The following ULK4 variants were observed in gnomAD, a reference collection of about 807,000 sequenced individuals.
ULK4 encodes unc-51 like kinase 4.
In ULK4, 133 loss-of-function variants were observed where a neutral mutation model predicts 160.6. The observed-to-expected ratio is 0.83, with a 90% CI of 0.72 to 0.96. The LOEUF (loss-of-function observed/expected upper bound fraction) is 0.96, where lower values mean the gene tolerates loss of function less well. Ranked by LOEUF, ULK4 falls within the 40% of genes least tolerant of loss-of-function variation. The probability of loss-of-function intolerance (pLI) is 0.00; values close to 1 mark genes in which losing one functional copy is unlikely to be tolerated. For synonymous variants in ULK4, 534 were observed against 539.8 expected, an observed-to-expected ratio of 0.99 and a Z score of 0.15; for missense variants, 1,580 against 1,499.5, an observed-to-expected ratio of 1.05 and a Z score of -0.89.
intron 17 of ULK4, among the ~76,000 whole-genome samples, chr3:41,842,139 CAAA>C (rs60925540): frequency 2.9e-5 from 2 of 68,782 alleles, no homozygotes; most frequent in Non-Finnish European, 6.4e-5. Flanking sequence ...TCAATAAATA[CAAA>C]AAAAAAAAAA....
rs1351821651 is a variant in ULK4, at chr3:41,559,227, T to A, written c.3226+6798A>T. On this transcript the variant is annotated intron_variant, in intron 32 of 36. Coordinates refer to ENST00000301831, the MANE Select transcript of ULK4 (RefSeq NM_017886.4). Reference sequence around the variant, plus strand: ...GAACTCATCCTTTTTTATGGCTGCATAGTATTCCATGGTGTATATGTGCCA... The same window carrying A: ...GAACTCATCCTTTTTTATGGCTGCAAAGTATTCCATGGTGTATATGTGCCA... Among the ~76,000 whole-genome samples, 3 of 138,730 alleles carry A rather than the reference T, an allele frequency of 2.2e-5. 1 individual carries two copies. The highest frequency in any genetic ancestry group is 4.8e-5 in the Non-Finnish European group (3 of 62,086). The allele number at this position is 138,730 out of a possible 152,430, so 91.0% of individuals were successfully genotyped here.
rs180891216 is a variant in ULK4 at position 41,824,668 on chromosome 3, A to C, written c.1765-5162T>G. Among the ~76,000 whole-genome samples the C allele has an allele frequency of 1.2e-3, 183 of 152,300 alleles. 2 individuals are homozygous for C. In the East Asian group the frequency reaches 0.03, roughly 25 times the overall value. ...TGAGTAGGTAAACAAAGCAGCCAGG[A>C]AGCTCGAACTGGGTGGAGCCCACCG... On this transcript the variant is annotated intron_variant, in intron 18 of 36. Coordinates refer to ENST00000301831, the MANE Select transcript of ULK4 (RefSeq NM_017886.4).
chr3:41,757,436 A>T (rs180784429), intron 21 of ULK4, among the ~76,000 whole-genome samples: 175 of 151,862 alleles, frequency 1.2e-3, no homozygotes, highest in South Asian at 3.7e-3. Flanking sequence ...ATCAAGACCA[A>T]CCTGGCTAAC....
Position 41,835,793 on chromosome 3 carries a change from A to G in ULK4, c.1764+71T>C, listed in dbSNP as rs1019191547. On this transcript the variant is annotated intron_variant, in intron 18 of 36. Coordinates refer to ENST00000301831, the MANE Select transcript of ULK4 (RefSeq NM_017886.4). ...CGCAAAATCAAAAAACTTTTATAGG[A>G]TATTAATACTTGTCAGCCAGAGTAT... 41 of 1,198,610 alleles carry G rather than the reference A, an allele frequency of 3.4e-5. No homozygotes were observed. In the Middle Eastern group the frequency reaches 5.9e-4, roughly 17 times the overall value. The allele number at this position is 1,198,610 out of a possible 1,614,324, so 74.2% of individuals were successfully genotyped here.
At chr3:41,746,000 T>C (rs998945168) in intron 22 of ULK4, among the ~76,000 whole-genome samples, 15 of 149,646 alleles carry the variant, frequency 1.0e-4, no homozygotes, top group African/African-American at 3.2e-4. Flanking sequence ...AAGAATGAGA[T>C]TGACCTTCCT....
intron 34 of ULK4, among the ~76,000 whole-genome samples, chr3:41,407,071 G>C (rs1216069209): frequency 1.3e-5 from 2 of 152,152 alleles, no homozygotes; most frequent in East Asian, 3.9e-4. Flanking sequence ...AAGTTTATAG[G>C]ACAAGGCAGC....
intron 35 of ULK4, among the ~76,000 whole-genome samples, chr3:41,314,779 C>G (rs1179169308): frequency 1.3e-5 from 2 of 151,718 alleles, no homozygotes; most frequent in South Asian, 2.1e-4. Context: ...TCTATGTGTC[C>G]TTCTAAAGAA....
At chr3:41,491,792 A>G (rs868755880) in intron 32 of ULK4, among the ~76,000 whole-genome samples, 3 of 151,890 alleles carry the variant, frequency 2.0e-5, no homozygotes, top group Non-Finnish European at 4.4e-5. Context: ...CAGGTTAGTT[A>G]CATATGTATA....
At chr3:41,514,335 T>C (rs2085683044) in intron 32 of ULK4, among the ~76,000 whole-genome samples, 6 of 152,156 alleles carry the variant, frequency 3.9e-5, no homozygotes. Context: ...ACAGATTTTC[T>C]TTTTACAGGA....
chr3:41,606,271 A>T (rs886321883), intron 31 of ULK4, among the ~76,000 whole-genome samples: 5 of 150,848 alleles, frequency 3.3e-5, no homozygotes, highest in Non-Finnish European at 5.9e-5. Context: ...ATCGAAAATT[A>T]AAAAAAAGAA....
chr3:41,911,592 GTCTAC>G lies in ULK4; in HGVS notation c.959_963del (p.Ser320ThrfsTer22), dbSNP rs755589484. 9.3e-6 allele frequency: 15 copies of G among 1,614,004 alleles called. No homozygotes were observed. In the African/African-American group the frequency reaches 1.7e-4, roughly 19 times the overall value. On this transcript the variant is annotated frameshift_variant, in exon 10 of 37. Transcript: ENST00000301831. LOFTEE classifies it high-confidence loss of function. ...TGACCACTCTTGTGCCCTTTTGCTT[GTCTAC>G]TCTGAGAGTTCTGCAAAAGCTCCTT... is the stretch of plus-strand genomic sequence containing the variant.
At chr3:41,852,742 G>T (rs1007801722) in intron 17 of ULK4, among the ~76,000 whole-genome samples, 1 of 152,076 alleles carries the variant, frequency 6.6e-6, no homozygotes, top group Non-Finnish European at 1.5e-5. Context: ...TGGTGACCTC[G>T]AAATGACCTT....
rs1392712670 is a variant in ULK4 at position 41,842,630 on chromosome 3, T to C, written c.1657-6659A>G. Among the ~76,000 whole-genome samples the C allele has an allele frequency of 2.0e-5, 3 of 150,554 alleles. No individual in the cohort carries two copies. In the East Asian group the frequency reaches 5.8e-4, roughly 29 times the overall value. On this transcript the variant is annotated intron_variant, in intron 17 of 36. Coordinates refer to ENST00000301831, the MANE Select transcript of ULK4 (RefSeq NM_017886.4). ...TTTCCTTCTCTCCGACCATGGGATG[T>C]CTACTCCCCTTCACCTTCTGCCATG... is the stretch of plus-strand genomic sequence containing the variant.
chr3:41,846,806 C>CA (rs35308076), intron 17 of ULK4, among the ~76,000 whole-genome samples: 19,435 of 98,802 alleles, frequency 0.2, 3,832 homozygotes, highest in African/African-American at 0.48. Flanking sequence ...CTCTCTCTCT[C>CA]AAAAAAAAAA....
At chr3:41,359,177 G>A (rs769419714) in intron 35 of ULK4, among the ~76,000 whole-genome samples, 3 of 152,180 alleles carry the variant, frequency 2.0e-5, no homozygotes, top group Admixed American at 1.3e-4. Flanking sequence ...AGTGAGGGAG[G>A]AACAGGCCTG....
At chr3:41,334,450 C>T (rs2080511706) in intron 35 of ULK4, among the ~76,000 whole-genome samples, 1 of 152,172 alleles carries the variant, frequency 6.6e-6, no homozygotes, top group Non-Finnish European at 1.5e-5. Flanking sequence ...TATATGATGA[C>T]TCTGGAGGAT....
At chr3:41,807,549 T>A (rs2040687313) in intron 19 of ULK4, among the ~76,000 whole-genome samples, 1 of 152,192 alleles carries the variant, frequency 6.6e-6, no homozygotes, top group African/African-American at 2.4e-5. Flanking sequence ...CCCAGCTTCA[T>A]TATCTACAAA....
intron 35 of ULK4, among the ~76,000 whole-genome samples, chr3:41,320,038 C>T (rs570680216): frequency 2.0e-4 from 30 of 152,236 alleles, no homozygotes; most frequent in Admixed American, 9.2e-4. Context: ...AGGATTTAAA[C>T]GATAATAAAC....
chr3:41,433,006 T>C (rs1293748845), intron 34 of ULK4, among the ~76,000 whole-genome samples: 2 of 152,096 alleles, frequency 1.3e-5, no homozygotes, highest in East Asian at 3.8e-4. Context: ...AAGACACTGA[T>C]AAATTTGATT....
Sources: allele counts gnomAD v4.1 joint callset (sites outside exome capture counted in the v4.1 genomes callset), GRCh38; gene constraint gnomAD v4.1.1; transcripts MANE v1.5; gene names NCBI Gene and HGNC (gene_info 2026-07-23, HGNC 2026-07-21).